The following NSF variants were observed in gnomAD, a reference collection of about 807,000 sequenced individuals.
The protein encoded by NSF is N-ethylmaleimide sensitive factor, vesicle fusing ATPase, also known as vesicle-fusing ATPase.
A neutral mutation model predicts 50.3 loss-of-function variants in NSF; 14 were observed. That is an observed-to-expected ratio of 0.28 (90% CI 0.18 to 0.44). The LOEUF is 0.44. Among genes scored for constraint, NSF ranks in the 20% least tolerant of loss-of-function variants. The pLI is 1.00. For missense variants in NSF, 218 were observed against 504.3 expected, an observed-to-expected ratio of 0.43 and a Z score of 5.44; for synonymous variants, 109 against 175.7, an observed-to-expected ratio of 0.62 and a Z score of 3.00.
At chr17:46,749,075 G>C (rs766714023) in intron 17 of NSF, among the ~76,000 whole-genome samples, 5 of 152,066 alleles carry the variant, frequency 3.3e-5, no homozygotes, top group Admixed American at 6.6e-5. Flanking sequence ...CATATTTAAA[G>C]CTGAAAACAA....
chr17:46,748,113 A>T (rs1324495878), intron 17 of NSF, among the ~76,000 whole-genome samples: 1 of 152,018 alleles, frequency 6.6e-6, no homozygotes, highest in Non-Finnish European at 1.5e-5. Context: ...TTATTTATTT[A>T]TTTATTTTTT....
rs1208936942 is a variant in NSF, at chr17:46,635,818, T to TGTGTGTGTGTGTGC, written c.239-1557_239-1556insTGTGTGTGTGTGCG. Among the ~76,000 whole-genome samples, 8 of 138,406 alleles carry TGTGTGTGTGTGTGC rather than the reference T, an allele frequency of 5.8e-5. No individual in the cohort carries two copies. The East Asian group carries it at 7.8e-4, about 13-fold the overall frequency. 90.8% of individuals were successfully genotyped at this position (138,406 alleles called of 152,430 possible). A position where few individuals can be genotyped will look rare whatever the true frequency, so the allele number is the denominator to read the frequency against. On this transcript the variant is annotated intron_variant, in intron 4 of 20. Transcript: ENST00000398238. Reference sequence around the variant, plus strand: ...GTGTGTGTGTGTGTGTGTGTGTGTGTGCTCGTGTGTGAAGCCTTATTGAAG... The same window carrying TGTGTGTGTGTGTGC: ...GTGTGTGTGTGTGTGTGTGTGTGTGTGTGTGTGTGTGTGCGCTCGTGTGTGAAGCCTTATTGAAG...
At position 46,756,060 on chromosome 17, in the gene NSF, A is replaced by T; in HGVS notation, c.*237A>T. The T allele has an allele frequency of 6.1e-6, 3 of 491,620 alleles. No homozygotes were observed. The highest frequency in any genetic ancestry group is 1.1e-5 in the Non-Finnish European group (3 of 277,336). 30.5% of individuals were successfully genotyped at this position (491,620 alleles called of 1,614,324 possible). A position where few individuals can be genotyped will look rare whatever the true frequency, so the allele number is the denominator to read the frequency against. Reference sequence around the variant, plus strand: ...GAATGCTGCGCTTACCTTCCCATGCAGGCTAAAGTGATTCCTTCTTGCTCA... The same window carrying T: ...GAATGCTGCGCTTACCTTCCCATGCTGGCTAAAGTGATTCCTTCTTGCTCA... On this transcript the variant is annotated 3_prime_UTR_variant, in exon 21 of 21. Coordinates refer to ENST00000398238, the MANE Select transcript of NSF (RefSeq NM_006178.4).
chr17:46,724,413 G>C (rs531668170), intron 15 of NSF, among the ~76,000 whole-genome samples: 1 of 152,306 alleles, frequency 6.6e-6, no homozygotes, highest in African/African-American at 2.4e-5. Flanking sequence ...GATAATAGAG[G>C]CCCCGCCTTA....
At chr17:46,657,362 A>G (rs1046871880) in intron 8 of NSF, among the ~76,000 whole-genome samples, 1 of 152,096 alleles carries the variant, frequency 6.6e-6, no homozygotes, top group Non-Finnish European at 1.5e-5. Context: ...TATAAAAAAT[A>G]TAATGGTTTC....
At chr17:46,732,272 C>T (rs1463519814) in intron 17 of NSF, among the ~76,000 whole-genome samples, 6 of 152,084 alleles carry the variant, frequency 3.9e-5, no homozygotes, top group Non-Finnish European at 5.9e-5. Context: ...TGCATGTGTG[C>T]ACGTGCTCAA....
chr17:46,707,126 C>T (rs937039795), intron 13 of NSF, among the ~76,000 whole-genome samples: 1 of 152,236 alleles, frequency 6.6e-6, no homozygotes, highest in African/African-American at 2.4e-5. Flanking sequence ...ACTGGGATTA[C>T]AGGCGTGAGC....
chr17:46,681,537 A>G (rs1178987088), intron 9 of NSF, among the ~76,000 whole-genome samples: 1 of 147,964 alleles, frequency 6.8e-6, no homozygotes, highest in Non-Finnish European at 1.5e-5. Context: ...CATGAATAAC[A>G]CTCAGAAATA....
At chr17:46,740,641 T>G (rs1273344269) in intron 17 of NSF, among the ~76,000 whole-genome samples, 2 of 151,980 alleles carry the variant, frequency 1.3e-5, no homozygotes, top group East Asian at 1.9e-4. Context: ...TATGGCATGG[T>G]CAGTACAACT....
intron 9 of NSF, among the ~76,000 whole-genome samples, chr17:46,690,559 C>T (rs2058536975): frequency 1.1e-5 from 1 of 93,620 alleles, no homozygotes; most frequent in Non-Finnish European, 2.1e-5. Flanking sequence ...TTGCAGTGAG[C>T]CAAGATCACG....
At chr17:46,752,208 C>T (rs2059187761) in intron 19 of NSF, among the ~76,000 whole-genome samples, 2 of 152,200 alleles carry the variant, frequency 1.3e-5, no homozygotes, top group Admixed American at 1.3e-4. Context: ...AGGGTGCTGC[C>T]TGGGCAAAGA....
chr17:46,723,611 AT>A (rs1183782264), intron 15 of NSF, among the ~76,000 whole-genome samples: 1 of 152,134 alleles, frequency 6.6e-6, no homozygotes, highest in Non-Finnish European at 1.5e-5. Context: ...CTCATGATCC[AT>A]TTTCAAACCA....
chr17:46,726,782 G>T (rs1041207472), intron 16 of NSF, among the ~76,000 whole-genome samples, 167 bp downstream of exon 16: 1 of 152,182 alleles, frequency 6.6e-6, no homozygotes, highest in African/African-American at 2.4e-5. Context: ...TGACATCAAT[G>T]ATAGTATTCA....
At chr17:46,721,052 G>A (rs2058825579) in intron 15 of NSF, among the ~76,000 whole-genome samples, 1 of 152,202 alleles carries the variant, frequency 6.6e-6, no homozygotes, top group African/African-American at 2.4e-5. Context: ...TTAAGAGCTT[G>A]CCGTGTCCTT....
intron 15 of NSF, chr17:46,722,079 G>A: frequency 5.0e-6 from 8 of 1,610,536 alleles, no homozygotes; most frequent in Non-Finnish European, 5.9e-6. Flanking sequence ...TTCATCTCCA[G>A]CTCCAGAAGA....
At chr17:46,688,047 ATAAG>A (rs1273217973) in intron 9 of NSF, among the ~76,000 whole-genome samples, 1 of 112,362 alleles carries the variant, frequency 8.9e-6, no homozygotes, top group Non-Finnish European at 1.8e-5. Context: ...GATATTATAA[ATAAG>A]AGTAAAGTAG....
rs538779086 is a variant in NSF, at chr17:46,708,545, G to T, written c.1471-2418G>T. ...CTTGCTCTGTCACCCAGGCTGGAGT[G>T]CAGTGGCACAATCTCGGCTCACTGC... On this transcript the variant is annotated intron_variant, in intron 13 of 20. Transcript: ENST00000398238. 2.9e-4 allele frequency among the ~76,000 whole-genome samples: 41 copies of T among 140,202 alleles called. 1 individual carries two copies. Among genetic ancestry groups the T allele is most frequent in the Admixed American group, 8.9e-4 (12 of 13,500 alleles). 92.0% of individuals were successfully genotyped at this position (140,202 alleles called of 152,430 possible).
rs1325866759 is a variant in NSF, at chr17:46,728,859, C to T, written c.1833C>T (p.Tyr611=). 10 of 1,598,784 alleles carry T rather than the reference C, an allele frequency of 6.3e-6. No homozygotes were observed. The highest frequency in any genetic ancestry group is 1.3e-5 in the African/African-American group (1 of 74,130). The change falls in exon 17 of 21, where the codon TAC becomes TAT. Residue 611 remains tyrosine (Y), a synonymous_variant. Transcript: ENST00000398238. ...ATAATAATGTTTCTTTTCCAGATTA[C>T]GTCCCTATTGGCCCTCGATTTTCAA... ...VVDDIERLLD[Y]VPIGPRFSNL...
At position 46,753,527 on chromosome 17, in the gene NSF, A is replaced by G. The variant is rs528617610; in HGVS notation, c.2158-1787A>G. ...AGACTTATTCTTGGTAAAAGTGCAA[A>G]TACAGGTGTATTGGCTCTTTCCTTG... On this transcript the variant is annotated intron_variant, in intron 19 of 20. Coordinates refer to ENST00000398238, the MANE Select transcript of NSF (RefSeq NM_006178.4). Among the ~76,000 whole-genome samples, 6 of 152,282 alleles carry G rather than the reference A, an allele frequency of 3.9e-5. No homozygotes were observed. The South Asian group carries it at 1.2e-3, about 32-fold the overall frequency.
Sources: allele counts gnomAD v4.1 joint callset (sites outside exome capture counted in the v4.1 genomes callset), GRCh38; gene constraint gnomAD v4.1.1; transcripts MANE v1.5; gene names NCBI Gene and HGNC (gene_info 2026-07-23, HGNC 2026-07-21).